Variants in GNAL observed in about 807,000 individuals in gnomAD.
The protein encoded by GNAL is guanine nucleotide-binding protein G(olf) subunit alpha.
In GNAL, 18 loss-of-function variants were observed where a neutral mutation model predicts 55.1. The observed-to-expected ratio is 0.33, with a 90% CI of 0.23 to 0.48. The LOEUF is 0.48. GNAL is among the 20% of genes least tolerant of loss of function. The pLI, the probability that GNAL is intolerant of heterozygous loss-of-function variation, is 0.99. For synonymous variants in GNAL, 253 were observed against 237.0 expected, an observed-to-expected ratio of 1.07 and a Z score of -0.62; for missense variants, 412 against 614.1, an observed-to-expected ratio of 0.67 and a Z score of 3.48.
At chr18:11,754,079 G>GTATTCCTCTTATGCATTT in intron 4 of GNAL, 134 bp downstream of exon 4, 1 of 702,006 alleles carries the variant, frequency 1.4e-6, no homozygotes, top group Non-Finnish European at 2.5e-6. Flanking sequence ...AAATGCATAA[G>GTATTCCTCTTATGCATTT]AGGAATACTT....
At chr18:11,768,965 T>C (rs1407271065) in intron 4 of GNAL, among the ~76,000 whole-genome samples, 3 of 81,558 alleles carry the variant, frequency 3.7e-5, no homozygotes, top group Non-Finnish European at 6.7e-5. Context: ...TTATATATAA[T>C]ATATTATATA....
chr18:11,812,751 A>G (rs551132464), intron 4 of GNAL, among the ~76,000 whole-genome samples: 21 of 151,206 alleles, frequency 1.4e-4, no homozygotes, highest in African/African-American at 3.9e-4. Context: ...GGCTGAGGCA[A>G]GAGAATCACT....
chr18:11,828,848 T>C (rs2143673435), intron 5 of GNAL, among the ~76,000 whole-genome samples: 1 of 152,298 alleles, frequency 6.6e-6, no homozygotes, highest in East Asian at 1.9e-4. Flanking sequence ...CAAATTACTT[T>C]TATGGGAAAA....
chr18:11,809,568 A>C (rs984280986), intron 4 of GNAL, among the ~76,000 whole-genome samples: 1 of 152,170 alleles, frequency 6.6e-6, no homozygotes. Context: ...CCCCGTCTCT[A>C]CTAAAACTAC....
intron 1 of GNAL, among the ~76,000 whole-genome samples, chr18:11,690,242 C>T (rs2031199678): frequency 6.6e-6 from 1 of 152,130 alleles, no homozygotes; most frequent in African/African-American, 2.4e-5. Context: ...GAAGTCTCCC[C>T]CTCGATTGAT....
chr18:11,808,945 A>C (rs569828971), intron 4 of GNAL, among the ~76,000 whole-genome samples: 1 of 152,368 alleles, frequency 6.6e-6, no homozygotes, highest in African/African-American at 2.4e-5. Flanking sequence ...AACGTCCAGC[A>C]TAGGCAAATT....
chr18:11,691,691 T>C (rs2031252394), intron 1 of GNAL, among the ~76,000 whole-genome samples: 1 of 152,174 alleles, frequency 6.6e-6, no homozygotes, highest in Non-Finnish European at 1.5e-5. Context: ...CTAGCCAGTT[T>C]TCCCAGCATC....
chr18:11,861,239 C>T (rs1018858882), intron 5 of GNAL, among the ~76,000 whole-genome samples: 2 of 152,294 alleles, frequency 1.3e-5, no homozygotes, highest in African/African-American at 2.4e-5. Flanking sequence ...GCCTGGGCCC[C>T]CCCGACCCCT....
At position 11,765,289 on chromosome 18, in the gene GNAL, G is replaced by A. The variant is rs377048809; in HGVS notation, c.624+11344G>A. On this transcript the variant is annotated intron_variant, in intron 4 of 11. Coordinates refer to ENST00000334049, the MANE Select transcript of GNAL (RefSeq NM_182978.4). ...TTTTTTGGTTTTTAAATTTTTTGAT[G>A]GATATATAATAGTTGTACATGTTTA... 3.3e-5 allele frequency among the ~76,000 whole-genome samples: 5 copies of A among 152,252 alleles called. No homozygotes were observed. The East Asian group carries it at 9.6e-4, about 29-fold the overall frequency.
chr18:11,884,324 G>T lies in GNAL; in HGVS notation c.*3189G>T. On this transcript the variant is annotated 3_prime_UTR_variant, in exon 12 of 12. Coordinates refer to ENST00000334049, the MANE Select transcript of GNAL (RefSeq NM_182978.4). ...TGCAGTTACTCATTTCAGTGATTGA[G>T]AATTTCTGTGCTGTGCAGAGAGACG... 1.1e-6 allele frequency: 1 copy of T among 919,376 alleles called. No individual in the cohort carries two copies. The highest frequency in any genetic ancestry group is 1.7e-6 in the Non-Finnish European group (1 of 596,156). The allele number at this position is 919,376 out of a possible 1,614,324, so 57.0% of individuals were successfully genotyped here.
rs1301105473 is a variant in GNAL, at chr18:11,881,698, T to C, written c.*563T>C. The C allele has an allele frequency of 2.0e-5, 3 of 152,682 alleles. No individual in the cohort carries two copies. Among genetic ancestry groups the C allele is most frequent in the African/African-American group, 7.2e-5 (3 of 41,450 alleles). The allele number at this position is 152,682 out of a possible 1,614,324, so 9.5% of individuals were successfully genotyped here. ...TGGCCTCAGGCATTTGAATTAGAGC[T>C]ACTTTGAGCCTCTTAGGCAGAAAAC... On this transcript the variant is annotated 3_prime_UTR_variant, in exon 12 of 12. Coordinates refer to ENST00000334049, the MANE Select transcript of GNAL (RefSeq NM_182978.4). This position sits in a 1 kb window ranked among gnomAD's most constrained non-coding sequence, Gnocchi z 4.8.
intron 1 of GNAL, among the ~76,000 whole-genome samples, chr18:11,707,815 A>G (rs2031748918): frequency 6.6e-6 from 1 of 152,192 alleles, no homozygotes; most frequent in African/African-American, 2.4e-5. Context: ...TTAACTTTCT[A>G]TATTAGCATT....
rs1194177675 is a variant in GNAL at position 11,689,979 on chromosome 18, AGCGCGCCGGGCCCGCGGGGGCG to A, written c.376+44_376+65del. 1.6e-5 allele frequency: 18 copies of A among 1,159,418 alleles called. 2 individuals are homozygous for A. In the South Asian group the frequency reaches 5.9e-4, roughly 38 times the overall value. The allele number at this position is 1,159,418 out of a possible 1,614,324, so 71.8% of individuals were successfully genotyped here. On this transcript the variant is annotated intron_variant, in intron 1 of 11. Coordinates refer to ENST00000334049, the MANE Select transcript of GNAL (RefSeq NM_182978.4). ...CGAGGTCGGCTGACGCCCCGGGGAC[AGCGCGCCGGGCCCGCGGGGGCG>A]GCGGGCACCGGGGAGCGGTGGCGGG...
At chr18:11,738,648 C>T (rs968414562) in intron 1 of GNAL, among the ~76,000 whole-genome samples, 22 of 152,068 alleles carry the variant, frequency 1.4e-4, no homozygotes, top group Admixed American at 1.2e-3. Context: ...AGGGTTTCAC[C>T]GTGTTGGCCA....
chr18:11,696,765 C>T (rs1888081548), intron 1 of GNAL, among the ~76,000 whole-genome samples: 1 of 152,174 alleles, frequency 6.6e-6, no homozygotes, highest in African/African-American at 2.4e-5. Flanking sequence ...CTTGTCAACC[C>T]TCTCGTGTTT....
At position 11,884,439 on chromosome 18, in the gene GNAL, T is replaced by C; in HGVS notation, c.*3304T>C. 6.2e-7 allele frequency: 1 copy of C among 1,612,310 alleles called. No homozygotes were observed. Among genetic ancestry groups the C allele is most frequent in the South Asian group, 1.1e-5 (1 of 91,040 alleles). On this transcript the variant is annotated 3_prime_UTR_variant, in exon 12 of 12. Transcript: ENST00000334049. Reference sequence around the variant, plus strand: ...GGGCTTTGATATTTATAATGGCGCCTGCTCTTCATCTTGTCTTACGCTTTC... The same window carrying C: ...GGGCTTTGATATTTATAATGGCGCCCGCTCTTCATCTTGTCTTACGCTTTC...
intron 1 of GNAL, among the ~76,000 whole-genome samples, chr18:11,727,887 TGTTAA>T (rs1348314935): frequency 2.6e-5 from 4 of 152,304 alleles, no homozygotes; most frequent in African/African-American, 7.2e-5. Context: ...AGTGTGGCAT[TGTTAA>T]GTTAATTTAT....
At position 11,752,377 on chromosome 18, in the gene GNAL, C is replaced by T; in HGVS notation, c.377-476C>T. The T allele has an allele frequency of 6.4e-7, 1 of 1,567,234 alleles. No individual in the cohort carries two copies. Among genetic ancestry groups the T allele is most frequent in the South Asian group, 1.2e-5 (1 of 85,632 alleles). ...GCAGGAGCCGCACACGTCTCCAACT[C>T]TCTATTGCTTTTTGCGCACATTCCT... On this transcript the variant is annotated intron_variant, in intron 1 of 11. Transcript: ENST00000334049. The surrounding 1 kb of genome is among the most constrained non-coding windows in gnomAD (Gnocchi z 4.5).
chr18:11,862,505 A>G (rs992334691), intron 6 of GNAL, 56 bp downstream of exon 6: 3 of 1,282,968 alleles, frequency 2.3e-6, no homozygotes, highest in Non-Finnish European at 3.4e-6. Context: ...TTCATTTCCA[A>G]TATGATTTAA....
Sources: allele counts gnomAD v4.1 joint callset (sites outside exome capture counted in the v4.1 genomes callset), GRCh38; gene constraint gnomAD v4.1.1; non-coding constraint Gnocchi (gnomAD v3.1); transcripts MANE v1.5; gene names NCBI Gene and HGNC (gene_info 2026-07-23, HGNC 2026-07-21).